Variants in PXDNL observed in about 807,000 individuals in gnomAD.
PXDNL encodes probable oxidoreductase PXDNL.
Under a neutral mutation model 150.8 loss-of-function variants are expected in PXDNL, and 145 were observed. That is an observed-to-expected ratio of 0.96 (90% CI 0.84 to 1.10). The LOEUF is 1.10. Among genes scored for constraint, PXDNL ranks in the 50% least tolerant of loss-of-function variants. The pLI, the probability that PXDNL is intolerant of heterozygous loss-of-function variation, is 0.00. For missense variants in PXDNL, 2,087 were observed against 1,873.9 expected (o/e 1.11, Z -2.10); for synonymous variants, 757 against 725.7 (o/e 1.04, Z -0.69).
chr8:51,441,188 T>G (rs2129882603), intron 12 of PXDNL, among the ~76,000 whole-genome samples: 2 of 152,278 alleles, frequency 1.3e-5, no homozygotes, highest in East Asian at 3.9e-4. Flanking sequence ...TTCTCTCTCC[T>G]GCCACCGTGT....
chr8:51,754,591 C>T (rs1265250489), intron 1 of PXDNL, among the ~76,000 whole-genome samples: 1 of 152,120 alleles, frequency 6.6e-6, no homozygotes, highest in African/African-American at 2.4e-5. Context: ...GCAAGCTCCG[C>T]CTCCTGGGTT....
At chr8:51,637,082 G>C (rs1018910627) in intron 2 of PXDNL, among the ~76,000 whole-genome samples, 3 of 152,088 alleles carry the variant, frequency 2.0e-5, no homozygotes, top group Admixed American at 1.3e-4. Context: ...AGGCAAACAG[G>C]GTCTGGAGTG....
intron 4 of PXDNL, among the ~76,000 whole-genome samples, chr8:51,544,532 G>A (rs556888767): frequency 6.6e-6 from 1 of 152,176 alleles, no homozygotes; most frequent in South Asian, 2.1e-4. Flanking sequence ...TCCTGATGTA[G>A]CCAACACATA....
chr8:51,611,887 C>A (rs150817624), intron 2 of PXDNL, among the ~76,000 whole-genome samples: 2 of 152,186 alleles, frequency 1.3e-5, no homozygotes, highest in Non-Finnish European at 2.9e-5. Context: ...CCAGGAGCAG[C>A]CGGGATGCCG....
At chr8:51,379,109 T>A (rs760440854) in intron 17 of PXDNL, among the ~76,000 whole-genome samples, 9 of 152,200 alleles carry the variant, frequency 5.9e-5, no homozygotes, top group Non-Finnish European at 1.2e-4. Flanking sequence ...ATTTTTTTAA[T>A]TAGTTTCCCT....
chr8:51,431,358 A>C (rs1159163949), intron 12 of PXDNL, among the ~76,000 whole-genome samples: 1 of 152,222 alleles, frequency 6.6e-6, no homozygotes, highest in Admixed American at 6.5e-5. Flanking sequence ...GTTTCCAAGA[A>C]ACTTATTGGT....
At position 51,339,734 on chromosome 8, in the gene PXDNL, C is replaced by G. The variant is rs754718809; in HGVS notation, c.4036G>C (p.Val1346Leu). Residue 1346 changes from valine to leucine, a missense_variant, in exon 21 of 23, where the codon GTG becomes CTG. Transcript: ENST00000356297. Reference protein sequence around the residue: ...LRSRQQDKIYVGEDARNVTVL... With the variant: ...LRSRQQDKIYLGEDARNVTVL... ...GTCACATTTCTAGCATCTTCACCCA[C>G]ATATATTTTATCTTGTTGCCTATTT... 2 of 1,609,090 alleles carry G rather than the reference C, an allele frequency of 1.2e-6. No homozygotes were observed. The highest frequency in any genetic ancestry group is 2.7e-5 in the African/African-American group (2 of 74,800).
chr8:51,686,488 G>T (rs898451891), intron 1 of PXDNL, among the ~76,000 whole-genome samples: 1 of 152,150 alleles, frequency 6.6e-6, no homozygotes, highest in African/African-American at 2.4e-5. Flanking sequence ...GGGGGGCAAG[G>T]TCTCTAATTT....
intron 4 of PXDNL, among the ~76,000 whole-genome samples, chr8:51,520,449 G>A (rs1811638158): frequency 6.6e-6 from 1 of 152,054 alleles, no homozygotes; most frequent in Admixed American, 6.5e-5. Context: ...GAGGAGGGAC[G>A]GAAACGCGGG....
At chr8:51,781,692 T>C (rs1378782079) in intron 1 of PXDNL, among the ~76,000 whole-genome samples, 2 of 152,220 alleles carry the variant, frequency 1.3e-5, no homozygotes, top group African/African-American at 4.8e-5. Flanking sequence ...AAGGAAAATA[T>C]GTTACCACAG....
chr8:51,397,988 A>C (rs539164660), intron 17 of PXDNL, among the ~76,000 whole-genome samples: 62 of 152,032 alleles, frequency 4.1e-4, no homozygotes, highest in Non-Finnish European at 7.1e-4. Context: ...ATTGCTCAGG[A>C]GCTAAAATTG....
chr8:51,489,557 A>G (rs1031193479), intron 5 of PXDNL, among the ~76,000 whole-genome samples: 4 of 152,158 alleles, frequency 2.6e-5, no homozygotes, highest in Non-Finnish European at 5.9e-5. Flanking sequence ...GGCTCAAGCA[A>G]TCCTCCCACT....
At chr8:51,498,293 AG>A (rs999042243) in intron 5 of PXDNL, among the ~76,000 whole-genome samples, 2 of 97,792 alleles carry the variant, frequency 2.0e-5, no homozygotes, top group East Asian at 6.9e-4. Context: ...GGGTCGGGGG[AG>A]GGGGGAGGGA....
At chr8:51,623,675 G>A (rs1814304674) in intron 2 of PXDNL, among the ~76,000 whole-genome samples, 1 of 152,210 alleles carries the variant, frequency 6.6e-6, no homozygotes, top group Admixed American at 6.5e-5. Flanking sequence ...AGGACCGAGT[G>A]TGCAGAGCGC....
At chr8:51,441,014 C>A (rs911449217) in intron 12 of PXDNL, among the ~76,000 whole-genome samples, 3 of 152,188 alleles carry the variant, frequency 2.0e-5, no homozygotes. Flanking sequence ...TGTGTCCCCA[C>A]CCACATCTCA....
intron 4 of PXDNL, among the ~76,000 whole-genome samples, chr8:51,545,578 C>T (rs1233975235): frequency 6.6e-6 from 1 of 152,152 alleles, no homozygotes; most frequent in East Asian, 1.9e-4. Context: ...CAATCATCCC[C>T]TCAATCCCAT....
In PXDNL at chr8:51,319,802, C is replaced by T; in HGVS notation, c.*89G>A. ...CTTAAGTCAGTGGTTTCCATATCAACAATGTGACTACAAGTTAAAAGTTCT... is the reference window on the plus strand; with the variant it reads ...CTTAAGTCAGTGGTTTCCATATCAATAATGTGACTACAAGTTAAAAGTTCT... On this transcript the variant is annotated 3_prime_UTR_variant, in exon 23 of 23. Coordinates refer to ENST00000356297, the MANE Select transcript of PXDNL (RefSeq NM_144651.5). 1 of 1,232,480 alleles carries T rather than the reference C, an allele frequency of 8.1e-7. No individual in the cohort carries two copies. The highest frequency in any genetic ancestry group is 1.1e-6 in the Non-Finnish European group (1 of 934,032). The allele number at this position is 1,232,480 out of a possible 1,614,324, so 76.3% of individuals were successfully genotyped here. A position where few individuals can be genotyped will look rare whatever the true frequency, so the allele number is the denominator to read the frequency against.
At chr8:51,559,576 T>C (rs1812678334) in intron 3 of PXDNL, among the ~76,000 whole-genome samples, 1 of 151,932 alleles carries the variant, frequency 6.6e-6, no homozygotes, top group African/African-American at 2.4e-5. Context: ...TACATGTAAG[T>C]GGTGAAAACA....
Position 51,649,122 on chromosome 8 carries a change from T to C in PXDNL, c.236+5567A>G, listed in dbSNP as rs139870929. On this transcript the variant is annotated intron_variant, in intron 2 of 22. Coordinates refer to ENST00000356297, the MANE Select transcript of PXDNL (RefSeq NM_144651.5). ...ATTTTTAAAGAAAAGCTAGTAAAAT[T>C]TCCGTGTCAAACAACATGCTTTAAG... Among the ~76,000 whole-genome samples the C allele has an allele frequency of 6.4e-4, 98 of 152,186 alleles. 1 individual carries two copies. Among genetic ancestry groups the C allele is most frequent in the African/African-American group, 2.3e-3 (96 of 41,454 alleles).
Sources: allele counts gnomAD v4.1 joint callset (sites outside exome capture counted in the v4.1 genomes callset), GRCh38; gene constraint gnomAD v4.1.1; transcripts MANE v1.5; gene names NCBI Gene and HGNC (gene_info 2026-07-23, HGNC 2026-07-21).